Variants in DLGAP2 observed in about 807,000 individuals in gnomAD.
DLGAP2 encodes the protein disks large-associated protein 2.
A neutral mutation model predicts 100.3 loss-of-function variants in DLGAP2; 26 were observed. That is an observed-to-expected ratio of 0.26 (90% CI 0.19 to 0.36). The LOEUF (loss-of-function observed/expected upper bound fraction) is 0.36. Ranked by LOEUF, DLGAP2 falls within the 10% of genes least tolerant of loss-of-function variation. The pLI, the probability that DLGAP2 is intolerant of heterozygous loss-of-function variation, is 1.00. For synonymous variants in DLGAP2, 886 were observed against 630.1 expected (o/e 1.41, Z -6.08); for missense variants, 1,858 against 1,453.2 (o/e 1.28, Z -4.53).
intron 1 of DLGAP2, among the ~76,000 whole-genome samples, chr8:834,049 A>G (rs140128005): frequency 6.6e-6 from 1 of 152,308 alleles, no homozygotes; most frequent in Non-Finnish European, 1.5e-5. Context: ...TCAGTAACCA[A>G]GGAGTGGGAT....
At chr8:1,236,934 TCTCTC>T (rs1798670662) in intron 2 of DLGAP2, among the ~76,000 whole-genome samples, 2 of 146,832 alleles carry the variant, frequency 1.4e-5, no homozygotes, top group African/African-American at 2.5e-5. Context: ...CGTGTCTAGT[TCTCTC>T]ACATGGCGCC....
chr8:1,303,402 C>CAAAA (rs374350701), intron 3 of DLGAP2, among the ~76,000 whole-genome samples: 1,302 of 125,140 alleles, frequency 0.01, 20 homozygotes, highest in Non-Finnish European at 0.018. Context: ...GTCTCAAAAA[C>CAAAA]AAAAAAAAAA....
chr8:1,388,770 G>A (rs1313818685), intron 3 of DLGAP2, among the ~76,000 whole-genome samples: 3 of 126,016 alleles, frequency 2.4e-5, no homozygotes, highest in Admixed American at 7.9e-5. Flanking sequence ...TGCCGTGGAT[G>A]AGGAGGCGCT....
chr8:1,286,104 G>C (rs1799915988), intron 3 of DLGAP2, among the ~76,000 whole-genome samples: 1 of 152,216 alleles, frequency 6.6e-6, no homozygotes, highest in Non-Finnish European at 1.5e-5. Context: ...GGACCAGGTG[G>C]AGATCATTGA....
intron 1 of DLGAP2, among the ~76,000 whole-genome samples, chr8:763,237 C>T (rs762188475): frequency 2.6e-5 from 4 of 152,206 alleles, no homozygotes; most frequent in Non-Finnish European, 5.9e-5. Flanking sequence ...CTGGGGTTAA[C>T]CCGCACTTCC....
At chr8:1,560,655 A>G (rs1276917458) in intron 5 of DLGAP2, among the ~76,000 whole-genome samples, 1 of 152,230 alleles carries the variant, frequency 6.6e-6, no homozygotes, top group East Asian at 1.9e-4. Flanking sequence ...ACCTGGCCTG[A>G]AGACACGGAG....
At chr8:873,275 G>A (rs941229403) in intron 1 of DLGAP2, among the ~76,000 whole-genome samples, 5 of 152,102 alleles carry the variant, frequency 3.3e-5, no homozygotes, top group African/African-American at 1.2e-4. Flanking sequence ...ATGCCATCAG[G>A]AAATAGAGGT....
chr8:1,201,250 G>T (rs888795854), intron 2 of DLGAP2, among the ~76,000 whole-genome samples: 2 of 152,220 alleles, frequency 1.3e-5, no homozygotes, highest in Non-Finnish European at 2.9e-5. Context: ...TGATTGTGGA[G>T]GCTGGCAGGT....
intron 1 of DLGAP2, among the ~76,000 whole-genome samples, chr8:867,586 T>C (rs1428074844): frequency 1.3e-5 from 2 of 152,200 alleles, no homozygotes; most frequent in African/African-American, 4.8e-5. Context: ...TCTAGGGACA[T>C]GCACACATCT....
chr8:805,149 A>C (rs1796244071), intron 1 of DLGAP2, among the ~76,000 whole-genome samples: 1 of 152,206 alleles, frequency 6.6e-6, no homozygotes, highest in African/African-American at 2.4e-5. Flanking sequence ...GCAAACTATT[A>C]TTGTTTGGGT....
chr8:1,200,975 T>G (rs1196675383), intron 2 of DLGAP2, among the ~76,000 whole-genome samples: 2 of 152,158 alleles, frequency 1.3e-5, no homozygotes, highest in African/African-American at 4.8e-5. Flanking sequence ...GCGCTCGGCC[T>G]TAGGGAAAGA....
intron 5 of DLGAP2, among the ~76,000 whole-genome samples, chr8:1,551,559 C>A (rs1479935679): frequency 6.6e-6 from 1 of 152,204 alleles, no homozygotes; most frequent in African/African-American, 2.4e-5. Context: ...TTCTCTCTGC[C>A]TCCAACAGCT....
At chr8:1,426,452 C>G (rs758627154) in intron 3 of DLGAP2, among the ~76,000 whole-genome samples, 1 of 152,124 alleles carries the variant, frequency 6.6e-6, no homozygotes, top group Non-Finnish European at 1.5e-5. Context: ...GAGACTCCAA[C>G]AAGTTAGCAG....
chr8:1,243,145 G>A (rs994689029), intron 2 of DLGAP2, among the ~76,000 whole-genome samples: 4 of 152,156 alleles, frequency 2.6e-5, no homozygotes, highest in South Asian at 4.1e-4. Context: ...AGCACTGCAT[G>A]GGAAAGGCAG....
chr8:1,198,155 C>T (rs1416180086), intron 2 of DLGAP2, among the ~76,000 whole-genome samples: 1 of 152,060 alleles, frequency 6.6e-6, no homozygotes, highest in Admixed American at 6.6e-5. Flanking sequence ...GACTCCCACA[C>T]AGGCCCTCCG....
At chr8:1,539,016 G>A (rs961142308) in intron 4 of DLGAP2, among the ~76,000 whole-genome samples, 1 of 151,750 alleles carries the variant, frequency 6.6e-6, no homozygotes, top group African/African-American at 2.4e-5. Context: ...CTCCTGAGTA[G>A]CTGGGATTAC....
At chr8:1,566,842 T>G (rs1237817756) in intron 6 of DLGAP2, among the ~76,000 whole-genome samples, 1 of 152,214 alleles carries the variant, frequency 6.6e-6, no homozygotes, top group Non-Finnish European at 1.5e-5. Flanking sequence ...TGAAACCAAA[T>G]CTTACAAATT....
At chr8:1,091,875 C>A (rs1199387476) in intron 2 of DLGAP2, among the ~76,000 whole-genome samples, 1 of 151,846 alleles carries the variant, frequency 6.6e-6, no homozygotes, top group African/African-American at 2.4e-5. Flanking sequence ...TTCGCTCGTT[C>A]TGCTTTTCCT....
At chr8:753,132 A>C (rs1820834704) in intron 1 of DLGAP2, among the ~76,000 whole-genome samples, 2 of 152,214 alleles carry the variant, frequency 1.3e-5, no homozygotes, top group African/African-American at 4.8e-5. Flanking sequence ...CTGAGAAGCC[A>C]GGAGGGTTTA....
Sources: gnomAD v4.1 joint callset for allele counts (sites outside exome capture counted in the v4.1 genomes callset) on GRCh38, gnomAD v4.1.1 for gene constraint, MANE v1.5 for transcripts, NCBI Gene and HGNC (gene_info 2026-07-23, HGNC 2026-07-21) for gene names.